MPDZ: variants seen among roughly 807,000 people sequenced by gnomAD.
The protein encoded by MPDZ is multiple PDZ domain crumbs cell polarity complex component.
Under a neutral mutation model 239.1 loss-of-function variants are expected in MPDZ, and 234 were observed. That is an observed-to-expected ratio of 0.98 (90% CI 0.88 to 1.09). The LOEUF (loss-of-function observed/expected upper bound fraction) is 1.09, where lower values mean the gene tolerates loss of function less well. MPDZ is among the 50% of genes least tolerant of loss of function. The pLI, the probability that MPDZ is intolerant of heterozygous loss-of-function variation, is 0.00. For synonymous variants in MPDZ, 1,048 were observed against 881.3 expected (o/e 1.19, Z -3.35); for missense variants, 3,175 against 2,510.0 (o/e 1.26, Z -5.66).
At position 13,241,284 on chromosome 9, in the gene MPDZ, G is replaced by A. The variant is rs114651091; in HGVS notation, c.183+6351C>T. The stretch of plus-strand genomic sequence containing the variant: ...CGAGAAATAGATACTTTGCTGTCAG[G>A]TGGCTACAAAGCTCTATCATAAAAG... On this transcript the variant is annotated intron_variant, in intron 3 of 46. Transcript: ENST00000319217. Among the ~76,000 whole-genome samples the A allele has an allele frequency of 5.0e-3, 758 of 152,234 alleles. 10 individuals carry two copies. Among genetic ancestry groups the A allele is most frequent in the African/African-American group, 0.017 (713 of 41,538 alleles).
At chr9:13,167,217 A>C (rs972938437) in intron 22 of MPDZ, among the ~76,000 whole-genome samples, 3 of 152,122 alleles carry the variant, frequency 2.0e-5, no homozygotes, top group African/African-American at 7.2e-5. Flanking sequence ...TCTTATGATA[A>C]AAGGACTGAC....
At chr9:13,214,887 GT>G (rs1302781033) in intron 10 of MPDZ, among the ~76,000 whole-genome samples, 5 of 151,476 alleles carry the variant, frequency 3.3e-5, no homozygotes, top group Admixed American at 2.6e-4. Flanking sequence ...GTAGGTAGGA[GT>G]TTCACAGAAC....
intron 1 of MPDZ, among the ~76,000 whole-genome samples, chr9:13,278,759 A>C (rs1974843571): frequency 1.3e-5 from 2 of 152,080 alleles, no homozygotes; most frequent in Admixed American, 1.3e-4. Flanking sequence ...CACCGGTACC[A>C]ATTAGCGGCT....
At position 13,217,272 on chromosome 9, in the gene MPDZ, C is replaced by A. The variant is rs1427814196; in HGVS notation, c.1109G>T (p.Gly370Val). 10 of 1,597,564 alleles carry A rather than the reference C, an allele frequency of 6.3e-6. No homozygotes were observed. Among genetic ancestry groups the A allele is most frequent in the Non-Finnish European group, 8.5e-6 (10 of 1,170,722 alleles). Reference protein sequence around the residue: ...ELRVDASTQKGEESETFDVEL... With the variant: ...ELRVDASTQKVEESETFDVEL... ...TACATCAAATGTCTCACTTTCTTCACCTTTCTGAGTAGAAGCATCAACCTA... is the reference window on the plus strand; with the variant it reads ...TACATCAAATGTCTCACTTTCTTCAACTTTCTGAGTAGAAGCATCAACCTA... Residue 370 changes from glycine (G) to valine (V), a missense_variant, in exon 9 of 47, where the codon GGT (glycine) becomes GTT (valine). By Grantham distance (109) the Gly-to-Val change is moderately radical (BLOSUM62 -3). Transcript: ENST00000319217.
intron 41 of MPDZ, 126 bp downstream of exon 41, chr9:13,113,805 G>A: frequency 1.4e-6 from 1 of 736,836 alleles, no homozygotes; most frequent in South Asian, 1.8e-5. Flanking sequence ...GCTAACACGT[G>A]TTTTTGTACC....
At chr9:13,170,340 C>A (rs1291251554) in intron 21 of MPDZ, among the ~76,000 whole-genome samples, 2 of 152,220 alleles carry the variant, frequency 1.3e-5, no homozygotes, top group South Asian at 4.2e-4. Flanking sequence ...AATTCAGGCT[C>A]CTACTTACTG....
intron 21 of MPDZ, among the ~76,000 whole-genome samples, chr9:13,173,730 A>C (rs1434633343): frequency 2.0e-5 from 3 of 151,954 alleles, no homozygotes; most frequent in Non-Finnish European, 4.4e-5. Flanking sequence ...ATTGGTAAGC[A>C]ATCCAAATAG....
intron 16 of MPDZ, among the ~76,000 whole-genome samples, chr9:13,189,891 T>C (rs762146779): frequency 1.3e-5 from 2 of 152,130 alleles, no homozygotes; most frequent in Non-Finnish European, 2.9e-5. Flanking sequence ...ATGATATTCC[T>C]AAAATGTATC....
At chr9:13,148,509 T>G (rs1948725760) in intron 25 of MPDZ, among the ~76,000 whole-genome samples, 1 of 152,028 alleles carries the variant, frequency 6.6e-6, no homozygotes, top group Non-Finnish European at 1.5e-5. Flanking sequence ...ATTATTATCT[T>G]TAAAAGAATT....
intron 3 of MPDZ, among the ~76,000 whole-genome samples, chr9:13,236,326 G>C (rs1217835331): frequency 7.5e-6 from 1 of 133,572 alleles, no homozygotes; most frequent in Non-Finnish European, 1.6e-5. Flanking sequence ...TGCCCAGGCT[G>C]GAGTGCGATG....
intron 10 of MPDZ, among the ~76,000 whole-genome samples, chr9:13,216,139 G>C (rs1388796879): frequency 1.3e-5 from 2 of 151,224 alleles, no homozygotes; most frequent in East Asian, 2.0e-4. Context: ...AGGGTCTCTT[G>C]AATTTCTGTT....
chr9:13,138,537 G>A (rs1197831181), intron 28 of MPDZ, among the ~76,000 whole-genome samples: 1 of 152,198 alleles, frequency 6.6e-6, no homozygotes, highest in Non-Finnish European at 1.5e-5. Context: ...ATCAGTGGGA[G>A]CTTTTCTCCC....
In MPDZ at chr9:13,110,733, T is replaced by TC; in HGVS notation, c.5731dup (p.Asp1911GlyfsTer2). 6.2e-7 allele frequency: 1 copy of TC among 1,612,668 alleles called. No individual in the cohort carries two copies. The highest frequency in any genetic ancestry group is 8.5e-7 in the Non-Finnish European group (1 of 1,179,296). ...TGTGCCACAGATGGTGACAATCCTATCCCCAACCTGCAAGGGAGAGAAAGA... is the reference window on the plus strand; with the variant it reads ...TGTGCCACAGATGGTGACAATCCTATCCCCCAACCTGCAAGGGAGAGAAAGA... On this transcript the variant is annotated frameshift_variant, in exon 44 of 47. Coordinates refer to ENST00000319217, the MANE Select transcript of MPDZ (RefSeq NM_001378778.1). LOFTEE classifies it high-confidence loss of function.
rs374088138 is a variant in MPDZ at position 13,136,798 on chromosome 9, A to G, written c.4206T>C (p.Asn1402=). 4 of 1,584,338 alleles carry G rather than the reference A, an allele frequency of 2.5e-6. No individual in the cohort carries two copies. The African/African-American group carries it at 5.4e-5, about 21-fold the overall frequency. Residue 1402 remains asparagine, a synonymous_variant, in exon 30 of 47, where the codon AAT becomes AAC. Transcript: ENST00000319217. The part of the protein sequence containing the change: ...LQIADELLEI[N]GQILYGRSHQ... ...GACTTCTTCCATATAAAATCTGACC[A>G]TTGATCTGTGAGAAATAAATATCAT...
chr9:13,119,919 C>T, intron 38 of MPDZ: 1 of 392,916 alleles, frequency 2.5e-6, no homozygotes. Flanking sequence ...CGTGTATTAC[C>T]ATTCTCATTT....
chr9:13,175,759 A>T lies in MPDZ; in HGVS notation c.3048T>A (p.Ser1016=). The change falls in exon 21 of 47, where the codon TCT becomes TCA. Residue 1016 remains serine (S), a synonymous_variant. Transcript: ENST00000319217. ...GGAAAATGAGAAACTTACCTAGGCT[A>T]GAATTGCCTTTTGCTATATTAATAG... is the stretch of plus-strand genomic sequence containing the variant. ...ERTINIAKGN[S]SLGMTVSANK... 1 of 1,569,562 alleles carries T rather than the reference A, an allele frequency of 6.4e-7. No homozygotes were observed. The highest frequency in any genetic ancestry group is 8.7e-7 in the Non-Finnish European group (1 of 1,155,286).
At chr9:13,125,013 A>T (rs1944909934) in intron 35 of MPDZ, among the ~76,000 whole-genome samples, 1 of 152,220 alleles carries the variant, frequency 6.6e-6, no homozygotes, top group East Asian at 1.9e-4. Flanking sequence ...TGCTTAATGT[A>T]CAGCACATAG....
chr9:13,250,170 G>T (rs1358343363), intron 2 of MPDZ, 130 bp downstream of exon 2: 2 of 723,648 alleles, frequency 2.8e-6, no homozygotes, highest in African/African-American at 1.8e-5. Flanking sequence ...TACAATGCTA[G>T]TAGGTAAAAA....
At chr9:13,141,301 C>T (rs1250951032) in intron 27 of MPDZ, among the ~76,000 whole-genome samples, 1 of 152,104 alleles carries the variant, frequency 6.6e-6, no homozygotes, top group African/African-American at 2.4e-5. Context: ...CCTGAGGCTA[C>T]AAGAAATGAA....
Sources: gnomAD v4.1 joint callset for allele counts (sites outside exome capture counted in the v4.1 genomes callset) on GRCh38, gnomAD v4.1.1 for gene constraint, MANE v1.5 for transcripts, NCBI Gene and HGNC (gene_info 2026-07-23, HGNC 2026-07-21) for gene names.